Variants in CTTNBP2 observed in about 807,000 individuals in gnomAD.
CTTNBP2 encodes cortactin-binding protein 2.
Under a neutral mutation model 156.9 loss-of-function variants are expected in CTTNBP2, and 108 were observed. That is an observed-to-expected ratio of 0.69 (90% CI 0.59 to 0.81). The LOEUF (loss-of-function observed/expected upper bound fraction) is 0.81. Among genes scored for constraint, CTTNBP2 ranks in the 30% least tolerant of loss-of-function variants. The pLI is 0.00. For missense variants in CTTNBP2, 1,924 were observed against 2,035.4 expected, an observed-to-expected ratio of 0.95 and a Z score of 1.05; for synonymous variants, 767 against 751.8, an observed-to-expected ratio of 1.02 and a Z score of -0.33.
At chr7:117,749,201 AATTTG>A (rs1796495869) in intron 12 of CTTNBP2, among the ~76,000 whole-genome samples, 1 of 152,108 alleles carries the variant, frequency 6.6e-6, no homozygotes, top group Non-Finnish European at 1.5e-5. Flanking sequence ...GTATATGGTT[AATTTG>A]TTATTATTCG....
intron 3 of CTTNBP2, among the ~76,000 whole-genome samples, chr7:117,802,446 A>AAAAAAAAAAAACAAAAACAAAC (rs1799679116): frequency 7.0e-6 from 1 of 142,912 alleles, no homozygotes; most frequent in Non-Finnish European, 1.5e-5. Flanking sequence ...GCAAAAAAAA[A>AAAAAAAAAAAACAAAAACAAAC]AAAAAAAAAA....
chr7:117,806,221 T>C (rs1455792406), intron 3 of CTTNBP2, among the ~76,000 whole-genome samples: 2 of 152,142 alleles, frequency 1.3e-5, no homozygotes, highest in African/African-American at 2.4e-5. Context: ...GCTCCAAGAA[T>C]AGCACCCAAA....
intron 14 of CTTNBP2, among the ~76,000 whole-genome samples, chr7:117,739,759 G>A (rs938847234): frequency 2.6e-5 from 4 of 152,152 alleles, no homozygotes; most frequent in Admixed American, 6.5e-5. Flanking sequence ...GAGGAACGAT[G>A]TTCTGAGAGG....
intron 16 of CTTNBP2, among the ~76,000 whole-genome samples, chr7:117,730,320 T>C (rs1412940051): frequency 1.3e-5 from 2 of 152,138 alleles, no homozygotes; most frequent in African/African-American, 4.8e-5. Context: ...ATAAGTACTC[T>C]TCCCAACTTC....
At chr7:117,771,610 G>GGGT (rs1797801463) in intron 8 of CTTNBP2, among the ~76,000 whole-genome samples, 1 of 152,182 alleles carries the variant, frequency 6.6e-6, no homozygotes, top group Non-Finnish European at 1.5e-5. Flanking sequence ...TGTACTGAAA[G>GGGT]ATTACGCTGG....
chr7:117,872,009 A>C, intron 1 of CTTNBP2: 1 of 968,240 alleles, frequency 1.0e-6, no homozygotes, highest in Non-Finnish European at 1.2e-6. Flanking sequence ...GCTGATTCAC[A>C]TAAGTGGGCA....
intron 1 of CTTNBP2, among the ~76,000 whole-genome samples, chr7:117,864,303 T>C (rs1020439780): frequency 4.6e-5 from 7 of 152,162 alleles, no homozygotes; most frequent in Non-Finnish European, 8.8e-5. Context: ...TATGAAGTGA[T>C]GTACTGTTTG....
At chr7:117,780,333 C>A in intron 7 of CTTNBP2, 108 bp downstream of exon 7, 1 of 754,798 alleles carries the variant, frequency 1.3e-6, no homozygotes, top group Non-Finnish European at 2.0e-6. Context: ...ACAAGCAAAA[C>A]AAAATAAAGC....
intron 4 of CTTNBP2, chr7:117,786,556 T>C (rs1212292417): frequency 1.5e-5 from 5 of 338,420 alleles, no homozygotes; most frequent in Admixed American, 8.1e-5. Context: ...ACAGGCAATA[T>C]GAAGGCATCG....
chr7:117,757,886 A>G lies in CTTNBP2; in HGVS notation c.3257T>C (p.Val1086Ala), dbSNP rs758038694. ...MRKNKAEHIT[V>A]LLSGPQEGCL... is the part of the protein sequence containing the mutation. ...AGGGACATCCTTACCTGACAAAAGCACAGTGATGTGCTCTGCCTTATTCTT... is the reference window on the plus strand; with the variant it reads ...AGGGACATCCTTACCTGACAAAAGCGCAGTGATGTGCTCTGCCTTATTCTT... Residue 1086 changes from valine to alanine, a missense_variant, in exon 11 of 23, where the codon GTG (valine) becomes GCG (alanine). Val to Ala is a moderately conservative substitution (Grantham distance 64). Coordinates refer to ENST00000160373, the MANE Select transcript of CTTNBP2 (RefSeq NM_033427.3). 3 of 1,609,630 alleles carry G rather than the reference A, an allele frequency of 1.9e-6. No homozygotes were observed. Among genetic ancestry groups the G allele is most frequent in the South Asian group, 1.1e-5 (1 of 90,134 alleles).
chr7:117,714,570 T>C (rs1794238506), intron 22 of CTTNBP2, among the ~76,000 whole-genome samples: 1 of 152,198 alleles, frequency 6.6e-6, no homozygotes. Flanking sequence ...TGTTCTAGTC[T>C]GTTTCTGTAC....
intron 2 of CTTNBP2, among the ~76,000 whole-genome samples, chr7:117,818,553 G>A (rs1800761127): frequency 6.6e-6 from 1 of 152,202 alleles, no homozygotes. Flanking sequence ...GAACCACCAA[G>A]CCATGAAATG....
At position 117,780,460 on chromosome 7, in the gene CTTNBP2, T is replaced by C. The variant is rs1409040486; in HGVS notation, c.2504A>G (p.Asn835Ser). 1.9e-6 allele frequency: 3 copies of C among 1,579,470 alleles called. No homozygotes were observed. Among genetic ancestry groups the C allele is most frequent in the Admixed American group, 1.9e-5 (1 of 52,936 alleles). Residue 835 changes from asparagine (N) to serine (S), a missense_variant, in exon 7 of 23, where the codon AAT becomes AGT. Asn to Ser is a conservative substitution (Grantham distance 46). Transcript: ENST00000160373. ...CIKLLLEAGTNRSVKTTDGWT... is the reference protein window; with the variant it reads ...CIKLLLEAGTSRSVKTTDGWT... ...ACTCACTGTGGTTTTTACACTTCGA[T>C]TGGTTCCAGCTTCCAACAAGAGTTT...
intron 14 of CTTNBP2, among the ~76,000 whole-genome samples, chr7:117,744,326 A>G (rs1460166026): frequency 1.3e-5 from 2 of 150,662 alleles, no homozygotes; most frequent in Non-Finnish European, 2.9e-5. Context: ...ACTCCCCAAC[A>G]CCCAACACTA....
chr7:117,745,620 A>AATAACAAAAG (rs59078067), intron 14 of CTTNBP2, among the ~76,000 whole-genome samples: 64,800 of 151,650 alleles, frequency 0.43, 18,350 homozygotes, highest in African/African-American at 0.81. Context: ...ATTAATGATT[A>AATAACAAAAG]ATAACAAAAA....
Position 117,817,193 on chromosome 7 carries a change from G to T in CTTNBP2, c.190-6204C>A, listed in dbSNP as rs571438071. Among the ~76,000 whole-genome samples the T allele has an allele frequency of 1.1e-4, 17 of 150,892 alleles. No homozygotes were observed. In the South Asian group the frequency reaches 3.6e-3, roughly 32 times the overall value. ...ACTAAAAACACAAAATATTAGCCGG[G>T]TGTGGTGGTGGGTGCCTGTAGTCCC... On this transcript the variant is annotated intron_variant, in intron 2 of 22. Coordinates refer to ENST00000160373, the MANE Select transcript of CTTNBP2 (RefSeq NM_033427.3).
intron 8 of CTTNBP2, among the ~76,000 whole-genome samples, chr7:117,771,131 A>G (rs1484669512): frequency 6.6e-6 from 1 of 152,020 alleles, no homozygotes; most frequent in Non-Finnish European, 1.5e-5. Context: ...ATCCGTTACT[A>G]TGGACCAAGG....
At chr7:117,802,876 A>G (rs2116924323) in intron 3 of CTTNBP2, among the ~76,000 whole-genome samples, 1 of 152,318 alleles carries the variant, frequency 6.6e-6, no homozygotes, top group Middle Eastern at 3.4e-3. Context: ...AAAAAGTCAA[A>G]AAAATAATAG....
At chr7:117,816,650 CT>C (rs1287450778) in intron 2 of CTTNBP2, among the ~76,000 whole-genome samples, 1 of 152,176 alleles carries the variant, frequency 6.6e-6, no homozygotes, top group East Asian at 1.9e-4. Flanking sequence ...AGTTTACCTG[CT>C]TTTCAACAAA....
Sources: allele counts gnomAD v4.1 joint callset (sites outside exome capture counted in the v4.1 genomes callset), GRCh38; gene constraint gnomAD v4.1.1; transcripts MANE v1.5; gene names NCBI Gene and HGNC (gene_info 2026-07-23, HGNC 2026-07-21).